Variants in RPS6KC1 observed in about 807,000 individuals in gnomAD.
The protein encoded by RPS6KC1 is inactive ribosomal protein S6 kinase delta-1.
Under a neutral mutation model 103.8 loss-of-function variants are expected in RPS6KC1, and 54 were observed. The observed-to-expected ratio is 0.52, with a 90% CI of 0.42 to 0.65. The LOEUF is 0.65. Ranked by LOEUF, RPS6KC1 falls within the 30% of genes least tolerant of loss-of-function variation. The pLI is 0.00. For synonymous variants in RPS6KC1, 439 were observed against 438.7 expected, an observed-to-expected ratio of 1.00 and a Z score of -0.01; for missense variants, 1,151 against 1,253.8, an observed-to-expected ratio of 0.92 and a Z score of 1.24.
chr1:213,456,701 G>A, the RPS6KC1 span, among the ~76,000 whole-genome samples: 14 of 152,264 alleles, frequency 9.2e-5, no homozygotes, highest in East Asian at 2.7e-3. Flanking sequence ...GTTCTATAAA[G>A]CAGTTGCTAT....
At chr1:213,465,314 G>A in the RPS6KC1 span, among the ~76,000 whole-genome samples, 2 of 152,158 alleles carry the variant, frequency 1.3e-5, no homozygotes, top group African/African-American at 4.8e-5. Context: ...TCTTGTGGTT[G>A]CTGTTTCTAA....
At chr1:213,576,374 T>TTG in the RPS6KC1 span, among the ~76,000 whole-genome samples, 1 of 150,760 alleles carries the variant, frequency 6.6e-6, no homozygotes, top group South Asian at 2.1e-4. Context: ...ACTGTGGGTT[T>TTG]TTTTTTTTTT....
the RPS6KC1 span, among the ~76,000 whole-genome samples, chr1:213,280,632 A>G: frequency 6.6e-6 from 1 of 152,286 alleles, no homozygotes; most frequent in Non-Finnish European, 1.5e-5. Context: ...AATGGACTTC[A>G]TAGTAGTAAA....
chr1:213,352,471 G>A, the RPS6KC1 span, among the ~76,000 whole-genome samples: 1 of 152,172 alleles, frequency 6.6e-6, no homozygotes, highest in East Asian at 1.9e-4. Context: ...TGGCAAGACT[G>A]GGGATCTGGG....
At chr1:213,220,105 A>G (rs111692513) in intron 8 of RPS6KC1, among the ~76,000 whole-genome samples, 2 of 152,208 alleles carry the variant, frequency 1.3e-5, no homozygotes, top group Non-Finnish European at 2.9e-5. Flanking sequence ...ACAGTATTGT[A>G]TTGTAGAAAT....
the RPS6KC1 span, among the ~76,000 whole-genome samples, chr1:213,734,178 T>C: frequency 6.6e-6 from 1 of 152,240 alleles, no homozygotes; most frequent in Non-Finnish European, 1.5e-5. Flanking sequence ...GCTGACCAGA[T>C]GACCACAGCC....
In RPS6KC1 at chr1:213,239,913, TTAAAA is replaced by T. The variant is rs548829152; in HGVS notation, c.1226-783_1226-779del. On this transcript the variant is annotated intron_variant, in intron 10 of 14. Coordinates refer to ENST00000366960, the MANE Select transcript of RPS6KC1 (RefSeq NM_012424.6). ...CAAAGGGATTGAGGTGTTTTAATGGTTAAAATAAAAGAAAACTATGGTGAAATAAT... is the reference window on the plus strand; with the variant it reads ...CAAAGGGATTGAGGTGTTTTAATGGTTAAAAGAAAACTATGGTGAAATAAT... Among the ~76,000 whole-genome samples, 514 of 152,292 alleles carry T rather than the reference TTAAAA, an allele frequency of 3.4e-3. 5 individuals are homozygous for T. The highest frequency in any genetic ancestry group is 0.012 in the African/African-American group (493 of 41,570).
chr1:213,810,002 A>T, the RPS6KC1 span, among the ~76,000 whole-genome samples: 1 of 152,194 alleles, frequency 6.6e-6, no homozygotes, highest in Non-Finnish European at 1.5e-5. Context: ...AAAGGGCATA[A>T]ATACACCACA....
At chr1:213,280,431 A>C in the RPS6KC1 span, among the ~76,000 whole-genome samples, 1 of 152,216 alleles carries the variant, frequency 6.6e-6, no homozygotes, top group Non-Finnish European at 1.5e-5. Flanking sequence ...GCAAAACCAC[A>C]GTGGAAATTC....
At chr1:213,704,372 C>T in the RPS6KC1 span, among the ~76,000 whole-genome samples, 18 of 116,328 alleles carry the variant, frequency 1.5e-4, no homozygotes, top group Admixed American at 9.8e-4. Context: ...TGGGCGACAG[C>T]GAGACTCCGT....
chr1:213,257,786 C>CTTTTTTTTTTT (rs71147062), intron 12 of RPS6KC1, among the ~76,000 whole-genome samples: 1 of 49,410 alleles, frequency 2.0e-5, no homozygotes, highest in African/African-American at 7.8e-5. Context: ...ACAGGTAAAA[C>CTTTTTTTTTTT]TTTTTTTTTT....
At chr1:213,805,211 G>T in the RPS6KC1 span, among the ~76,000 whole-genome samples, 24 of 152,304 alleles carry the variant, frequency 1.6e-4, no homozygotes, top group African/African-American at 5.8e-4. Flanking sequence ...GGGTTAGGGT[G>T]GCTGTGACAA....
At chr1:213,183,047 T>C (rs1474444362) in intron 8 of RPS6KC1, among the ~76,000 whole-genome samples, 3 of 151,624 alleles carry the variant, frequency 2.0e-5, no homozygotes, top group Non-Finnish European at 2.9e-5. Context: ...AGATAAAATA[T>C]GCTTCATACC....
At chr1:213,745,656 A>G in the RPS6KC1 span, among the ~76,000 whole-genome samples, 2 of 152,124 alleles carry the variant, frequency 1.3e-5, no homozygotes, top group African/African-American at 2.4e-5. Flanking sequence ...GCTGTGAGGC[A>G]TGGATGGAAG....
chr1:213,242,687 T>C (rs368908439), intron 12 of RPS6KC1, 29 bp downstream of exon 12: 1 of 1,534,956 alleles, frequency 6.5e-7, no homozygotes, highest in Non-Finnish European at 9.0e-7. Flanking sequence ...AATGTTTCAC[T>C]TGAAAAAGTG....
chr1:213,524,907 A>G, the RPS6KC1 span, among the ~76,000 whole-genome samples: 2 of 152,248 alleles, frequency 1.3e-5, no homozygotes, highest in East Asian at 3.8e-4. Flanking sequence ...TTACTAAATT[A>G]TCTCCTATAT....
the RPS6KC1 span, among the ~76,000 whole-genome samples, chr1:213,293,327 A>G: frequency 6.6e-6 from 1 of 152,180 alleles, no homozygotes; most frequent in Admixed American, 6.5e-5. Context: ...TATATAACCT[A>G]TAATAATGAC....
chr1:213,119,766 T>A (rs1296880758), intron 5 of RPS6KC1, among the ~76,000 whole-genome samples: 1 of 151,884 alleles, frequency 6.6e-6, no homozygotes, highest in Non-Finnish European at 1.5e-5. Context: ...GGGAGAAGCA[T>A]GATTATTAGG....
chr1:213,109,313 A>G (rs2082787928), intron 4 of RPS6KC1, among the ~76,000 whole-genome samples: 2 of 151,536 alleles, frequency 1.3e-5, no homozygotes, highest in South Asian at 2.1e-4. Flanking sequence ...ATTTTTTTGT[A>G]TTTTTAGTAG....
Sources: allele counts gnomAD v4.1 joint callset (sites outside exome capture counted in the v4.1 genomes callset), GRCh38; gene constraint gnomAD v4.1.1; transcripts MANE v1.5; gene names NCBI Gene and HGNC (gene_info 2026-07-23, HGNC 2026-07-21).